EPB41L1: variants seen among roughly 807,000 people sequenced by gnomAD.
The protein encoded by EPB41L1 is erythrocyte membrane protein band 4.1 like 1.
Under a neutral mutation model 97.8 loss-of-function variants are expected in EPB41L1, and 29 were observed. That is an observed-to-expected ratio of 0.30 (90% CI 0.22 to 0.40). EPB41L1 has a LOEUF of 0.40. Ranked by LOEUF, EPB41L1 falls within the 10% of genes least tolerant of loss-of-function variation. The probability of loss-of-function intolerance (pLI) is 1.00; values close to 1 mark genes in which losing one functional copy is unlikely to be tolerated. For missense variants in EPB41L1, 812 were observed against 1,162.3 expected (o/e 0.70, Z 4.38); for synonymous variants, 383 against 459.2 (o/e 0.83, Z 2.12).
chr20:36,209,786 T>G lies in EPB41L1; in HGVS notation c.1967T>G (p.Leu656Arg). The G allele has an allele frequency of 6.2e-7, 1 of 1,614,028 alleles. No individual in the cohort carries two copies. The highest frequency in any genetic ancestry group is 8.5e-7 in the Non-Finnish European group (1 of 1,180,026). The change falls in exon 15 of 22, where the codon CTG becomes CGG. Residue 656 changes from leucine (L) to arginine (R), a missense_variant. Leu to Arg is a moderately radical substitution (Grantham distance 102). This residue lies in a region of EPB41L1 where 498 missense variants were observed against 622.7 expected (regional missense o/e 0.80). Coordinates refer to ENST00000338074, the MANE Select transcript of EPB41L1 (RefSeq NM_012156.2). This position sits in a 1 kb window ranked among gnomAD's most constrained non-coding sequence, Gnocchi z 4.2. ...AGCGACTCGGACACTGAGGGCCTGCTGTTCTCCCGGGATCTCAACAAGGGG... is the reference window on the plus strand; with the variant it reads ...AGCGACTCGGACACTGAGGGCCTGCGGTTCTCCCGGGATCTCAACAAGGGG... ...DKSDSDTEGL[L>R]FSRDLNKGAP...
chr20:36,195,431 A>G lies in EPB41L1; in HGVS notation c.1485+67A>G, dbSNP rs1056161316. The G allele has an allele frequency of 1.3e-6, 2 of 1,573,168 alleles. No individual in the cohort carries two copies. Among genetic ancestry groups the G allele is most frequent in the Admixed American group, 3.3e-5 (2 of 59,830 alleles). On this transcript the variant is annotated intron_variant, in intron 13 of 21. Transcript: ENST00000338074. This position sits in a 1 kb window ranked among gnomAD's most constrained non-coding sequence, Gnocchi z 4.6. ...TCCCTAGCTCATTTGTCACCATCCC[A>G]CAGTCCATCCCAGGCTCACTTCCCT...
chr20:36,173,717 C>T, intron 1 of EPB41L1, 47 bp from the exon 2 acceptor site: 1 of 1,567,816 alleles, frequency 6.4e-7, no homozygotes, highest in Non-Finnish European at 8.8e-7. Context: ...CGCTGTCATA[C>T]CATTGCTGTC....
intron 1 of EPB41L1, among the ~76,000 whole-genome samples, chr20:36,173,498 C>G (rs898686348): frequency 3.3e-5 from 5 of 152,148 alleles, no homozygotes; most frequent in African/African-American, 1.2e-4. Flanking sequence ...ACTCATCATC[C>G]CTATGAAAGG....
intron 16 of EPB41L1, among the ~76,000 whole-genome samples, chr20:36,213,374 C>T (rs2063250115): frequency 6.6e-6 from 1 of 152,114 alleles, no homozygotes; most frequent in African/African-American, 2.4e-5. Flanking sequence ...CACTGCATTC[C>T]AGCTTGGGTG....
At chr20:36,095,262 G>C (rs753367374) in intron 1 of EPB41L1, among the ~76,000 whole-genome samples, 1 of 152,120 alleles carries the variant, frequency 6.6e-6, no homozygotes, top group Middle Eastern at 3.4e-3. Context: ...ATGAGCCACC[G>C]TGCTCGGCCT....
chr20:36,101,955 A>G (rs868847638), intron 1 of EPB41L1, among the ~76,000 whole-genome samples: 21 of 152,096 alleles, frequency 1.4e-4, no homozygotes, highest in African/African-American at 5.1e-4. Flanking sequence ...CAGTGAGCTG[A>G]GATCACACCA....
intron 14 of EPB41L1, among the ~76,000 whole-genome samples, chr20:36,200,630 G>A (rs1396202652): frequency 6.6e-6 from 1 of 152,210 alleles, no homozygotes; most frequent in Non-Finnish European, 1.5e-5. Context: ...GGGGCTGACT[G>A]TGGGCCTCCC....
chr20:36,131,266 C>T lies in EPB41L1; in HGVS notation c.-10+18786C>T, dbSNP rs186353716. ...CTGGGATTTCAGGCATGAGCCACCG[C>T]GCCTGGCTAATTTTTGTATTTTTAG... is the stretch of plus-strand genomic sequence containing the variant. On this transcript the variant is annotated intron_variant, in intron 2 of 19. Coordinates refer to the EPB41L1 transcript ENST00000202028. 5.9e-3 allele frequency among the ~76,000 whole-genome samples: 892 copies of T among 152,174 alleles called. 9 individuals are homozygous for T. Among genetic ancestry groups the T allele is most frequent in the African/African-American group, 0.02 (838 of 41,518 alleles).
chr20:36,198,275 T>A (rs1264292217), intron 14 of EPB41L1, among the ~76,000 whole-genome samples: 2 of 152,210 alleles, frequency 1.3e-5, no homozygotes, highest in Admixed American at 1.3e-4. Context: ...TCATGGTAGC[T>A]TGGCGTACTC....
At chr20:36,112,875 C>T (rs764745483) in intron 2 of EPB41L1, among the ~76,000 whole-genome samples, 2 of 152,180 alleles carry the variant, frequency 1.3e-5, no homozygotes, top group African/African-American at 2.4e-5. Flanking sequence ...TGGCCCTGCC[C>T]GTTGACTACT....
At chr20:36,139,740 A>AT (rs1555839777) in intron 2 of EPB41L1, among the ~76,000 whole-genome samples, 1 of 151,648 alleles carries the variant, frequency 6.6e-6, no homozygotes, top group Non-Finnish European at 1.5e-5. Flanking sequence ...TTATTTATTT[A>AT]TTTTTTTTAA....
upstream of EPB41L1, chr20:36,151,303 T>G (rs1382507387): frequency 6.6e-6 from 1 of 152,192 alleles, no homozygotes; most frequent in African/African-American, 2.4e-5. Context: ...GAATGAAGGG[T>G]CCTGTCCCTT....
chr20:36,166,086 A>C (rs991682299), intron 1 of EPB41L1, among the ~76,000 whole-genome samples: 1 of 152,268 alleles, frequency 6.6e-6, no homozygotes, highest in African/African-American at 2.4e-5. Context: ...GCTGGCTGGT[A>C]GCCACAAAGG....
intron 1 of EPB41L1, chr20:36,155,739 G>C: frequency 2.3e-6 from 1 of 429,060 alleles, no homozygotes; most frequent in Non-Finnish European, 4.7e-6. Context: ...CTTTTCCCTC[G>C]GAGCTCTGAG....
chr20:36,158,348 T>C (rs1269269933), intron 1 of EPB41L1, among the ~76,000 whole-genome samples: 1 of 152,140 alleles, frequency 6.6e-6, no homozygotes, highest in African/African-American at 2.4e-5. Flanking sequence ...GAGTGTGCTA[T>C]TGCATAGGCT....
intron 2 of EPB41L1, among the ~76,000 whole-genome samples, chr20:36,174,342 C>T (rs538946496): frequency 7.2e-5 from 11 of 151,898 alleles, no homozygotes; most frequent in African/African-American, 2.7e-4. Context: ...CTGCACTCTT[C>T]GCTCACTGTG....
chr20:36,113,003 CT>C (rs2058457935), intron 2 of EPB41L1, among the ~76,000 whole-genome samples: 1 of 152,182 alleles, frequency 6.6e-6, no homozygotes, highest in Non-Finnish European at 1.5e-5. Context: ...GGGAACTCTC[CT>C]TTTTCCATTG....
rs566334781 is a variant in EPB41L1, at chr20:36,176,090, G to A, written c.342+375G>A. 2.6e-5 allele frequency among the ~76,000 whole-genome samples: 4 copies of A among 152,292 alleles called. No homozygotes were observed. The East Asian group carries it at 5.8e-4, about 22-fold the overall frequency. On this transcript the variant is annotated intron_variant, in intron 3 of 21. Transcript: ENST00000338074. ...AATTAGAATCATTTTTATATACTGGGTGGAGAGAGGGCTCCTCCCTTCCTA... is the reference window on the plus strand; with the variant it reads ...AATTAGAATCATTTTTATATACTGGATGGAGAGAGGGCTCCTCCCTTCCTA...
chr20:36,115,855 G>A (rs1183025077), intron 2 of EPB41L1, among the ~76,000 whole-genome samples: 1 of 152,158 alleles, frequency 6.6e-6, no homozygotes, highest in Non-Finnish European at 1.5e-5. Flanking sequence ...TCGTATGACT[G>A]CATTCCAGCC....
Sources: allele counts gnomAD v4.1 joint callset (sites outside exome capture counted in the v4.1 genomes callset), GRCh38; gene constraint gnomAD v4.1.1; regional missense constraint gnomAD v4.1.1; non-coding constraint Gnocchi (gnomAD v3.1); transcripts MANE v1.5; gene names NCBI Gene and HGNC (gene_info 2026-07-23, HGNC 2026-07-21).